TCF4: variants seen among roughly 807,000 people sequenced by gnomAD.
TCF4 encodes SL3-3 enhancer factor 2.
A neutral mutation model predicts 82.1 loss-of-function variants in TCF4; 3 were observed. The observed-to-expected ratio is 0.04, with a 90% CI of 0.02 to 0.09. TCF4 has a LOEUF of 0.09. TCF4 is among the 10% of genes least tolerant of loss of function. The pLI is 1.00. For missense variants in TCF4, 518 were observed against 852.7 expected (o/e 0.61, Z 4.89); for synonymous variants, 276 against 309.6 (o/e 0.89, Z 1.14).
chr18:55,327,798 A>G (rs1481199267), intron 8 of TCF4, among the ~76,000 whole-genome samples: 1 of 152,142 alleles, frequency 6.6e-6, no homozygotes, highest in Non-Finnish European at 1.5e-5. Context: ...TTTATGTGGC[A>G]TTATAAAAAC....
At chr18:55,304,484 T>A (rs751262675) in intron 8 of TCF4, among the ~76,000 whole-genome samples, 5 of 152,122 alleles carry the variant, frequency 3.3e-5, no homozygotes, top group Non-Finnish European at 5.9e-5. Context: ...CACTATAGAC[T>A]GAGGAGATTA....
chr18:55,557,640 G>A (rs190348475), intron 3 of TCF4, among the ~76,000 whole-genome samples: 28 of 152,104 alleles, frequency 1.8e-4, no homozygotes, highest in Admixed American at 4.6e-4. Flanking sequence ...AATATATTTA[G>A]AGAAAATACA....
At position 55,259,871 on chromosome 18, in the gene TCF4, C is replaced by A. The variant is rs2057667429; in HGVS notation, c.1069+78G>T. The A allele has an allele frequency of 2.3e-6, 3 of 1,282,878 alleles. No individual in the cohort carries two copies. In the East Asian group the frequency reaches 7.0e-5, roughly 30 times the overall value. 79.5% of individuals were successfully genotyped at this position (1,282,878 alleles called of 1,614,324 possible). A position where few individuals can be genotyped will look rare whatever the true frequency, so the allele number is the denominator to read the frequency against. On this transcript the variant is annotated intron_variant, in intron 13 of 19. Transcript: ENST00000354452. ...GATTTGGGGGGAAGTGAGTTTCCAC[C>A]TACAAAATCAGGAAGTACAAGGGGG... is the stretch of plus-strand genomic sequence containing the variant.
intron 3 of TCF4, among the ~76,000 whole-genome samples, chr18:55,547,201 T>C (rs1263754418): frequency 6.6e-6 from 1 of 152,232 alleles, no homozygotes; most frequent in African/African-American, 2.4e-5. Context: ...TGCACTTCAG[T>C]GTCATTGCAC....
rs937977184 is a variant in TCF4 at position 55,601,868 on chromosome 18, T to C, written c.287-14732A>G. Among the ~76,000 whole-genome samples the C allele has an allele frequency of 2.6e-5, 4 of 152,178 alleles. No homozygotes were observed. In the East Asian group the frequency reaches 7.7e-4, roughly 29 times the overall value. Reference sequence around the variant, plus strand: ...GGAAAGTGATTGTAAACTTCTCTCATGGAATAAAAAGGCTTCAAGTTCTTC... The same window carrying C: ...GGAAAGTGATTGTAAACTTCTCTCACGGAATAAAAAGGCTTCAAGTTCTTC... On this transcript the variant is annotated intron_variant, in intron 2 of 20. Coordinates refer to the TCF4 transcript ENST00000398339.
intron 5 of TCF4, among the ~76,000 whole-genome samples, chr18:55,404,756 C>G (rs954058456): frequency 6.6e-6 from 1 of 152,148 alleles, no homozygotes; most frequent in Non-Finnish European, 1.5e-5. Context: ...ACATTTATAT[C>G]CATAAATTTT....
chr18:55,604,202 A>T (rs931113064), intron 2 of TCF4, among the ~76,000 whole-genome samples: 25 of 151,766 alleles, frequency 1.6e-4, no homozygotes, highest in Admixed American at 2.6e-4. Flanking sequence ...GAAAGTTTTA[A>T]CTCTGCCACT....
At chr18:55,440,235 C>T (rs1227101499) in intron 5 of TCF4, among the ~76,000 whole-genome samples, 1 of 152,220 alleles carries the variant, frequency 6.6e-6, no homozygotes, top group Non-Finnish European at 1.5e-5. Context: ...AAAACACACA[C>T]ACATGAAAAT....
At chr18:55,602,892 A>G (rs1322121173) in intron 2 of TCF4, among the ~76,000 whole-genome samples, 2 of 152,208 alleles carry the variant, frequency 1.3e-5, no homozygotes, top group East Asian at 3.8e-4. Context: ...TTATAGCAAC[A>G]TTTCATTGTC....
At chr18:55,580,113 C>A (rs2097562366) in intron 3 of TCF4, among the ~76,000 whole-genome samples, 1 of 151,968 alleles carries the variant, frequency 6.6e-6, no homozygotes, top group African/African-American at 2.4e-5. Context: ...CTTGGATCCC[C>A]ACGCTTGTTT....
intron 10 of TCF4, among the ~76,000 whole-genome samples, chr18:55,272,820 C>A (rs1043975888): frequency 6.6e-6 from 1 of 152,018 alleles, no homozygotes; most frequent in Non-Finnish European, 1.5e-5. Flanking sequence ...CCAGACATCA[C>A]CAAACGTTCC....
chr18:55,428,677 T>G (rs2095077756), intron 5 of TCF4, among the ~76,000 whole-genome samples: 1 of 152,232 alleles, frequency 6.6e-6, no homozygotes, highest in Admixed American at 6.5e-5. Flanking sequence ...CTATGCTCTA[T>G]CATTATCTTC....
At chr18:55,322,300 G>T (rs2147519824) in intron 8 of TCF4, 1 of 1,044,012 alleles carries the variant, frequency 9.6e-7, no homozygotes, top group Non-Finnish European at 1.2e-6. Context: ...CGAGTGGCAG[G>T]AAGGGAATCG....
At chr18:55,327,772 A>C (rs867156348) in intron 8 of TCF4, among the ~76,000 whole-genome samples, 5 of 152,176 alleles carry the variant, frequency 3.3e-5, no homozygotes, top group African/African-American at 1.2e-4. Context: ...AAGAAAGAAG[A>C]GACTTCTCAT....
chr18:55,405,727 A>G (rs1452885583), intron 5 of TCF4, among the ~76,000 whole-genome samples: 1 of 152,148 alleles, frequency 6.6e-6, no homozygotes, highest in Non-Finnish European at 1.5e-5. Flanking sequence ...AGAGAGGAAG[A>G]GTGGAATGCA....
chr18:55,238,579 T>C (rs951360749), intron 15 of TCF4, among the ~76,000 whole-genome samples: 2 of 152,164 alleles, frequency 1.3e-5, no homozygotes, highest in African/African-American at 4.8e-5. Flanking sequence ...AGAAACCTAT[T>C]TGAGTTTGTT....
chr18:55,349,935 C>T (rs1428261043), intron 8 of TCF4, among the ~76,000 whole-genome samples: 1 of 152,170 alleles, frequency 6.6e-6, no homozygotes, highest in Non-Finnish European at 1.5e-5. Flanking sequence ...GACATTCTTC[C>T]TGCACTCTGG....
chr18:55,395,929 T>C (rs573206341), intron 6 of TCF4, among the ~76,000 whole-genome samples: 1 of 152,120 alleles, frequency 6.6e-6, no homozygotes, highest in East Asian at 1.9e-4. Context: ...ATATAATCTT[T>C]TTTTCCCCCC....
chr18:55,246,171 A>C (rs758466080), intron 15 of TCF4, among the ~76,000 whole-genome samples: 4 of 152,166 alleles, frequency 2.6e-5, no homozygotes, highest in Non-Finnish European at 5.9e-5. Context: ...CCACAATTTA[A>C]GAAGAAAACC....
Sources: gnomAD v4.1 joint callset for allele counts (sites outside exome capture counted in the v4.1 genomes callset) on GRCh38, gnomAD v4.1.1 for gene constraint, MANE v1.5 for transcripts, NCBI Gene and HGNC (gene_info 2026-07-23, HGNC 2026-07-21) for gene names.